The following ADPRHL1 variants were observed in gnomAD, a reference collection of about 807,000 sequenced individuals.
ADPRHL1 encodes inactive ADP-ribosyltransferase ARH2.
A neutral mutation model predicts 44.1 loss-of-function variants in ADPRHL1; 43 were observed. That is an observed-to-expected ratio of 0.98 (90% CI 0.76 to 1.26). ADPRHL1 has a LOEUF of 1.26. Among genes scored for constraint, ADPRHL1 ranks in the 50% most tolerant of loss-of-function variants. The pLI is 0.00. For missense variants in ADPRHL1, 2,022 were observed against 2,496.9 expected, an observed-to-expected ratio of 0.81 and a Z score of 4.05; for synonymous variants, 878 against 1,017.4, an observed-to-expected ratio of 0.86 and a Z score of 2.61.
chr13:113,453,370 C>A lies in ADPRHL1; in HGVS notation c.68G>T (p.Cys23Phe). ...VGDALGYRNV[C>F]KENSTVGMKI... ...CATGCCTACAGTGCTGTTCTCCTTG[C>A]AGACATTTCTGTAGCCAAGAGCATC... The change falls in exon 1 of 8, where the codon TGC (cysteine) becomes TTC (phenylalanine). Residue 23 changes from cysteine to phenylalanine, a missense_variant. Physicochemically the swap from Cys to Phe is radical, Grantham distance 205 (BLOSUM62 -2). Transcript: ENST00000612156. This position sits in a 1 kb window ranked among gnomAD's most constrained non-coding sequence, Gnocchi z 5.4. The A allele has an allele frequency of 1.2e-6, 2 of 1,614,224 alleles. No individual in the cohort carries two copies. The highest frequency in any genetic ancestry group is 1.7e-6 in the Non-Finnish European group (2 of 1,180,032).
At chr13:113,415,772 G>A (rs796185204) in intron 7 of ADPRHL1, among the ~76,000 whole-genome samples, 10,215 of 90,614 alleles carry the variant, frequency 0.11, 515 homozygotes, top group African/African-American at 0.15. Context: ...AAAAAAAAAA[G>A]AGAGAGAGAG....
In ADPRHL1 at chr13:113,406,832, G is replaced by C. The variant is rs764625981; in HGVS notation, c.2450C>G (p.Pro817Arg). 3 of 1,231,982 alleles carry C rather than the reference G, an allele frequency of 2.4e-6. No homozygotes were observed. Among genetic ancestry groups the C allele is most frequent in the Non-Finnish European group, 3.0e-6 (3 of 988,084 alleles). The allele number at this position is 1,231,982 out of a possible 1,614,324, so 76.3% of individuals were successfully genotyped here. A position where few individuals can be genotyped will look rare whatever the true frequency, so the allele number is the denominator to read the frequency against. The change falls in exon 8 of 8, where the codon CCG becomes CGG. Residue 817 changes from proline (P) to arginine (R), a missense_variant. Physicochemically the swap from Pro to Arg is moderately radical, Grantham distance 103 (BLOSUM62 -2). Transcript: ENST00000612156. ...AGCGTTCAGGGGTGGGATGTGCTCC[G>C]GCACCTTCTGTTCTGGGAAATACTT... Reference protein sequence around the residue: ...TQKYFPEQKVPEHIPPLNAPS... With the variant: ...TQKYFPEQKVREHIPPLNAPS...
chr13:113,438,849 G>T (rs573156693), intron 2 of ADPRHL1, among the ~76,000 whole-genome samples: 53 of 152,176 alleles, frequency 3.5e-4, no homozygotes, highest in Non-Finnish European at 7.1e-4. Flanking sequence ...GTATGGGGTT[G>T]CTTGCTTTCT....
At chr13:113,445,563 C>T (rs142516137) in intron 1 of ADPRHL1, among the ~76,000 whole-genome samples, 31 of 152,310 alleles carry the variant, frequency 2.0e-4, no homozygotes, top group Non-Finnish European at 2.4e-4. Context: ...CCCCGGGAGA[C>T]GCCACTGCTC....
intron 7 of ADPRHL1, among the ~76,000 whole-genome samples, chr13:113,413,958 C>T (rs1173384333): frequency 6.6e-6 from 1 of 152,240 alleles, no homozygotes; most frequent in Non-Finnish European, 1.5e-5. Flanking sequence ...GCGCAGGAGA[C>T]ACACCCGGGC....
At position 113,444,250 on chromosome 13, in the gene ADPRHL1, C is replaced by T. The variant is rs113016990; in HGVS notation, c.379+175G>A. Among the ~76,000 whole-genome samples, 24 of 151,948 alleles carry T rather than the reference C, an allele frequency of 1.6e-4. No homozygotes were observed. In the East Asian group the frequency reaches 2.7e-3, roughly 17 times the overall value. On this transcript the variant is annotated intron_variant, in intron 2 of 7. Coordinates refer to ENST00000612156, the MANE Select transcript of ADPRHL1 (RefSeq NM_001394807.1). ...CCCCTGCCCATATTCCTTAAACAGA[C>T]GCCCGCACTGGCCGGGCTGACCAGG... is the stretch of plus-strand genomic sequence containing the variant.
intron 7 of ADPRHL1, among the ~76,000 whole-genome samples, chr13:113,417,341 C>T (rs2043892023): frequency 6.6e-6 from 1 of 152,230 alleles, no homozygotes; most frequent in South Asian, 2.1e-4. Context: ...TTGCCCTTCT[C>T]AGGGTACAAG....
intron 2 of ADPRHL1, among the ~76,000 whole-genome samples, chr13:113,434,070 T>C (rs2044027936): frequency 6.6e-6 from 1 of 152,202 alleles, no homozygotes; most frequent in African/African-American, 2.4e-5. Context: ...TGCATCCAAG[T>C]GTCGGGTGTT....
In ADPRHL1 at chr13:113,403,454, C is replaced by T. The variant is rs1202543258; in HGVS notation, c.5828G>A (p.Arg1943His). 9.7e-6 allele frequency: 12 copies of T among 1,231,966 alleles called. No homozygotes were observed. Among genetic ancestry groups the T allele is most frequent in the South Asian group, 4.1e-5 (1 of 24,326 alleles). The allele number at this position is 1,231,966 out of a possible 1,614,324, so 76.3% of individuals were successfully genotyped here. A position where few individuals can be genotyped will look rare whatever the true frequency, so the allele number is the denominator to read the frequency against. ...GGACAAATCGAAGGCCCTCTGGTCA[C>T]GGAAGCTCTGGGCTTTGTACTTGGC... ...HLAKYKAQSF[R>H]DQRAFDLSFR... is the part of the protein sequence containing the mutation. Residue 1943 changes from arginine (R) to histidine (H), a missense_variant, in exon 8 of 8, where the codon CGT becomes CAT. This residue lies in a region of ADPRHL1 where 205 missense variants were observed against 250.1 expected (regional missense o/e 0.82). Transcript: ENST00000612156.
chr13:113,430,296 G>A (rs142489296), intron 3 of ADPRHL1, among the ~76,000 whole-genome samples: 124 of 152,334 alleles, frequency 8.1e-4, no homozygotes, highest in African/African-American at 2.8e-3. Flanking sequence ...TGGAAATCCC[G>A]TGGTCACCGT....
intron 7 of ADPRHL1, 25 bp from the exon 8 acceptor site, chr13:113,408,245 C>T: frequency 1.6e-6 from 2 of 1,231,836 alleles, no homozygotes; most frequent in Non-Finnish European, 2.0e-6. Flanking sequence ...GAATCATCAC[C>T]TACTTCATCA....
In ADPRHL1 at chr13:113,405,765, C is replaced by T. The variant is rs1417220471; in HGVS notation, c.3517G>A (p.Gly1173Ser). The change falls in exon 8 of 8, where the codon GGC becomes AGC. Residue 1173 changes from glycine (G) to serine (S), a missense_variant. By Grantham distance (56) the Gly-to-Ser change is moderately conservative. Around this residue, in one of 8 missense-constraint regions of ADPRHL1, gnomAD observed 1,221 missense variants for 1,517.8 expected, o/e 0.80. Coordinates refer to ENST00000612156, the MANE Select transcript of ADPRHL1 (RefSeq NM_001394807.1). Reference sequence around the variant, plus strand: ...AAGGATCCCCCAGGGGCCAGGAGGCCGTGGCTGTGAGGGTCTCGAGGGAGA... The same window carrying T: ...AAGGATCCCCCAGGGGCCAGGAGGCTGTGGCTGTGAGGGTCTCGAGGGAGA... ...EALPRDPHSH[G>S]LLAPGGSLEP... 5.7e-6 allele frequency: 7 copies of T among 1,231,682 alleles called. No individual in the cohort carries two copies. The highest frequency in any genetic ancestry group is 8.2e-5 in the South Asian group (2 of 24,328). 76.3% of individuals were successfully genotyped at this position (1,231,682 alleles called of 1,614,324 possible).
At chr13:113,438,091 A>G (rs2044073933) in intron 2 of ADPRHL1, among the ~76,000 whole-genome samples, 1 of 152,008 alleles carries the variant, frequency 6.6e-6, no homozygotes, top group African/African-American at 2.4e-5. Context: ...TTGGCCTCCC[A>G]AAGTGCTGGG....
rs750477506 is a variant in ADPRHL1, at chr13:113,433,809, A to G, written c.438T>C (p.Pro146=). The G allele has an allele frequency of 6.3e-7, 1 of 1,585,540 alleles. No homozygotes were observed. Among genetic ancestry groups the G allele is most frequent in the South Asian group, 1.2e-5 (1 of 86,894 alleles). The change falls in exon 3 of 8, where the codon CCT becomes CCC. Residue 146 remains proline, a synonymous_variant. Coordinates refer to ENST00000612156, the MANE Select transcript of ADPRHL1 (RefSeq NM_001394807.1). The part of the protein sequence containing the change: ...AMCIGLRYWK[P]ERLETLIEVS... The stretch of plus-strand genomic sequence containing the variant: ...CCTCGATGAGGGTCTCCAGCCGCTC[A>G]GGCTTCCAGTACCGCAGGCCGATGC...
chr13:113,409,647 G>A lies in ADPRHL1; in HGVS notation c.1062-1427C>T. ...CGCCTGTAATCTCAGCGTGATTTGG[G>A]AGGCCGAGGCTGGCAGATCACGAGG... is the stretch of plus-strand genomic sequence containing the variant. On this transcript the variant is annotated intron_variant, in intron 7 of 7. Transcript: ENST00000612156. This position sits in a 1 kb window ranked among gnomAD's most constrained non-coding sequence, Gnocchi z 4.2. 4 of 979,440 alleles carry A rather than the reference G, an allele frequency of 4.1e-6. No homozygotes were observed. The highest frequency in any genetic ancestry group is 4.9e-6 in the Non-Finnish European group (4 of 824,570). The allele number at this position is 979,440 out of a possible 1,614,324, so 60.7% of individuals were successfully genotyped here.
chr13:113,415,771 AGAGAG>A (rs974459476), intron 7 of ADPRHL1, among the ~76,000 whole-genome samples: 9 of 111,076 alleles, frequency 8.1e-5, no homozygotes, highest in African/African-American at 3.1e-4. Flanking sequence ...AAAAAAAAAA[AGAGAG>A]AGAGAGAGAA....
chr13:113,449,542 G>A (rs532420082), intron 1 of ADPRHL1, among the ~76,000 whole-genome samples: 37 of 151,040 alleles, frequency 2.4e-4, no homozygotes, highest in Admixed American at 1.6e-3. Flanking sequence ...CGGAAGGAGG[G>A]AGCCCCGTTC....
intron 2 of ADPRHL1, among the ~76,000 whole-genome samples, chr13:113,436,080 A>G (rs374391987): frequency 0.14 from 7,679 of 54,564 alleles, no homozygotes; most frequent in East Asian, 0.24. Flanking sequence ...CCAGGTGTAG[A>G]GTGAACATAG....
At chr13:113,444,723 C>T (rs2044124301) in intron 1 of ADPRHL1, 134 bp from the exon 2 acceptor site, 1 of 1,054,858 alleles carries the variant, frequency 9.5e-7, no homozygotes, top group Admixed American at 2.4e-5. Flanking sequence ...CCCGGGTTCA[C>T]TCCGTTCTCC....
Sources: allele counts gnomAD v4.1 joint callset (sites outside exome capture counted in the v4.1 genomes callset), GRCh38; gene constraint gnomAD v4.1.1; regional missense constraint gnomAD v4.1.1; non-coding constraint Gnocchi (gnomAD v3.1); transcripts MANE v1.5; gene names NCBI Gene and HGNC (gene_info 2026-07-23, HGNC 2026-07-21).